ZFHX3: variants seen among roughly 807,000 people sequenced by gnomAD.
ZFHX3 encodes zinc finger homeobox protein 3.
Under a neutral mutation model 279.1 loss-of-function variants are expected in ZFHX3, and 42 were observed. The observed-to-expected ratio is 0.15, with a 90% CI of 0.12 to 0.19. The LOEUF (loss-of-function observed/expected upper bound fraction) is 0.19, where lower values mean the gene tolerates loss of function less well. Among genes scored for constraint, ZFHX3 ranks in the 10% least tolerant of loss-of-function variants. The probability of loss-of-function intolerance (pLI) is 1.00; values close to 1 mark genes in which losing one functional copy is unlikely to be tolerated. For synonymous variants in ZFHX3, 2,293 were observed against 1,957.8 expected (o/e 1.17, Z -4.52); for missense variants, 4,981 against 4,754.0 (o/e 1.05, Z -1.40).
rs550260782 is a variant in ZFHX3, at chr16:73,496,901, T to C, written c.-1546-40643A>G. On this transcript the variant is annotated intron_variant, in intron 2 of 17. Transcript: ENST00000641206. ...GGAAGTTGCTGCTTCTCCTCCATGA[T>C]CCCAGCTTTGTCAGACAGCCTTCTT... is the stretch of plus-strand genomic sequence containing the variant. 2.6e-5 allele frequency among the ~76,000 whole-genome samples: 4 copies of C among 152,220 alleles called. No homozygotes were observed. In the South Asian group the frequency reaches 8.3e-4, roughly 32 times the overall value.
intron 3 of ZFHX3, among the ~76,000 whole-genome samples, chr16:72,924,004 G>A (rs1380034501): frequency 6.6e-6 from 1 of 152,110 alleles, no homozygotes; most frequent in Non-Finnish European, 1.5e-5. Flanking sequence ...GTTAGCCGTC[G>A]GCTGTAACGG....
chr16:73,765,443 C>T (rs1184395530), intron 1 of ZFHX3, among the ~76,000 whole-genome samples: 2 of 152,148 alleles, frequency 1.3e-5, no homozygotes, highest in African/African-American at 4.8e-5. Context: ...AAGAGAATAT[C>T]CTGCTTATGT....
At chr16:73,498,626 G>C (rs2019182003) in intron 2 of ZFHX3, among the ~76,000 whole-genome samples, 1 of 152,190 alleles carries the variant, frequency 6.6e-6, no homozygotes, top group South Asian at 2.1e-4. Flanking sequence ...AGTGAACTCA[G>C]GGAGTAATTA....
At chr16:73,515,971 G>A (rs1241034914) in intron 2 of ZFHX3, among the ~76,000 whole-genome samples, 1 of 152,174 alleles carries the variant, frequency 6.6e-6, no homozygotes, top group Non-Finnish European at 1.5e-5. Context: ...GCCATTCATG[G>A]AATATAACAT....
intron 3 of ZFHX3, among the ~76,000 whole-genome samples, chr16:73,354,613 G>C (rs55952218): frequency 6.6e-6 from 1 of 152,106 alleles, no homozygotes; most frequent in African/African-American, 2.4e-5. Context: ...GTCTGCCTGC[G>C]TGCAAGCTCT....
rs528871740 is a variant in ZFHX3, at chr16:72,840,369, A to C, written c.3449-10510T>G. Reference sequence around the variant, plus strand: ...CAGGAGCGTCAACGGTGATGGATGCAATCTATACAAGAACGACAGCCAGGG... The same window carrying C: ...CAGGAGCGTCAACGGTGATGGATGCCATCTATACAAGAACGACAGCCAGGG... On this transcript the variant is annotated intron_variant, in intron 4 of 9. Transcript: ENST00000268489. 1.3e-4 allele frequency among the ~76,000 whole-genome samples: 20 copies of C among 152,316 alleles called. 2 individuals are homozygous for C. In the South Asian group the frequency reaches 4.1e-3, roughly 32 times the overall value.
rs191357313 is a variant in ZFHX3, at chr16:73,251,244, T to C, written c.-1104+5803A>G. The stretch of plus-strand genomic sequence containing the variant: ...AAAGTCTTAGTGAGGGTACTATGGG[T>C]ACTAACTCACCAACTGTGTACAGTC... On this transcript the variant is annotated intron_variant, in intron 5 of 17. Transcript: ENST00000641206. 4.7e-3 allele frequency among the ~76,000 whole-genome samples: 711 copies of C among 152,272 alleles called. 7 individuals carry two copies. The highest frequency in any genetic ancestry group is 5.9e-3 in the Non-Finnish European group (403 of 68,022).
intron 2 of ZFHX3, among the ~76,000 whole-genome samples, chr16:73,557,054 C>T (rs1249794995): frequency 7.4e-6 from 1 of 135,508 alleles, no homozygotes; most frequent in African/African-American, 2.8e-5. Context: ...GAGATCAGGC[C>T]ACTGCACTCC....
In ZFHX3 at chr16:73,078,650, C is replaced by CT. The variant is rs35686338; in HGVS notation, c.-533+14584dup. Among the ~76,000 whole-genome samples the CT allele has an allele frequency of 5.1e-3, 750 of 146,894 alleles. 3 individuals carry two copies. The highest frequency in any genetic ancestry group is 7.9e-3 in the Non-Finnish European group (525 of 66,176). ...TAAACCGCGCCTGGCCACTAAAGAA[C>CT]TTTTTTTTTTTTGAGATGGAGTCTT... On this transcript the variant is annotated intron_variant, in intron 8 of 17. Coordinates refer to the ZFHX3 transcript ENST00000641206.
intron 5 of ZFHX3, among the ~76,000 whole-genome samples, chr16:73,256,139 C>T (rs914240546): frequency 2.6e-5 from 4 of 152,144 alleles, no homozygotes; most frequent in African/African-American, 9.7e-5. Context: ...GGAGGAGATG[C>T]CATTCTTCAG....
At chr16:73,215,978 C>T (rs569447399) in intron 5 of ZFHX3, among the ~76,000 whole-genome samples, 4 of 152,038 alleles carry the variant, frequency 2.6e-5, no homozygotes, top group Non-Finnish European at 5.9e-5. Context: ...GATGATCTCA[C>T]ATGAGAATGA....
At chr16:73,105,446 T>TAC (rs1966290991) in intron 7 of ZFHX3, among the ~76,000 whole-genome samples, 2 of 98,128 alleles carry the variant, frequency 2.0e-5, no homozygotes, top group Admixed American at 9.2e-5. Context: ...CACACACACA[T>TAC]ATATATATAT....
chr16:73,545,837 C>T (rs1371876236), intron 2 of ZFHX3, among the ~76,000 whole-genome samples: 1 of 151,334 alleles, frequency 6.6e-6, no homozygotes, highest in African/African-American at 2.4e-5. Context: ...GACTAAACTG[C>T]AGCCCAGCAG....
chr16:73,522,224 TA>T (rs920286481), intron 2 of ZFHX3, among the ~76,000 whole-genome samples: 2 of 152,234 alleles, frequency 1.3e-5, no homozygotes, highest in African/African-American at 4.8e-5. Flanking sequence ...CATTTGAATT[TA>T]AAAGCATCTT....
chr16:73,078,444 T>TTA (rs1965909493), intron 8 of ZFHX3, among the ~76,000 whole-genome samples: 1 of 152,148 alleles, frequency 6.6e-6, no homozygotes, highest in South Asian at 2.1e-4. Context: ...ACTTGCTTGT[T>TTA]TAAAGGCTCT....
intron 8 of ZFHX3, among the ~76,000 whole-genome samples, chr16:73,067,142 T>C (rs1368365803): frequency 6.6e-6 from 1 of 151,848 alleles, no homozygotes; most frequent in Admixed American, 6.5e-5. Context: ...TCTGGAGGGG[T>C]GCCTGTGCCT....
At chr16:73,009,787 G>T (rs913395409) in intron 1 of ZFHX3, among the ~76,000 whole-genome samples, 1 of 152,072 alleles carries the variant, frequency 6.6e-6, no homozygotes, top group Non-Finnish European at 1.5e-5. Context: ...TTCAGAGGCC[G>T]ACGCAGGCGA....
At chr16:73,581,963 C>T (rs763311927) in intron 2 of ZFHX3, among the ~76,000 whole-genome samples, 12 of 151,892 alleles carry the variant, frequency 7.9e-5, no homozygotes, top group South Asian at 2.1e-4. Context: ...CATGAGCCAC[C>T]GCACCCAGCC....
At chr16:73,767,418 G>C (rs2053962631) in intron 1 of ZFHX3, among the ~76,000 whole-genome samples, 1 of 152,198 alleles carries the variant, frequency 6.6e-6, no homozygotes, top group African/African-American at 2.4e-5. Flanking sequence ...GGTACCAGAA[G>C]CATCATGTTG....
Sources: allele counts gnomAD v4.1 joint callset (sites outside exome capture counted in the v4.1 genomes callset), GRCh38; gene constraint gnomAD v4.1.1; transcripts MANE v1.5; gene names NCBI Gene and HGNC (gene_info 2026-07-23, HGNC 2026-07-21).